Variants in SSH2 observed in about 807,000 individuals in gnomAD.
SSH2 encodes protein phosphatase Slingshot homolog 2.
Under a neutral mutation model 135.2 loss-of-function variants are expected in SSH2, and 37 were observed. That is an observed-to-expected ratio of 0.27 (90% CI 0.21 to 0.36). The LOEUF is 0.36. SSH2 is among the 10% of genes least tolerant of loss of function. SSH2 has a pLI of 1.00. For synonymous variants in SSH2, 628 were observed against 646.2 expected, an observed-to-expected ratio of 0.97 and a Z score of 0.43; for missense variants, 1,408 against 1,765.3, an observed-to-expected ratio of 0.80 and a Z score of 3.63.
chr17:29,857,382 G>A (rs369641387), intron 1 of SSH2, among the ~76,000 whole-genome samples: 12 of 152,114 alleles, frequency 7.9e-5, no homozygotes, highest in East Asian at 1.9e-4. Context: ...AGAACAGCAC[G>A]GGAAAGACTT....
intron 1 of SSH2, among the ~76,000 whole-genome samples, chr17:29,876,473 A>G (rs1274781888): frequency 6.6e-6 from 1 of 152,080 alleles, no homozygotes; most frequent in Non-Finnish European, 1.5e-5. Context: ...GGTAGTTTGC[A>G]TATATTTTCT....
intron 1 of SSH2, among the ~76,000 whole-genome samples, chr17:29,871,982 T>C (rs2065944293): frequency 6.6e-6 from 1 of 152,192 alleles, no homozygotes; most frequent in Admixed American, 6.5e-5. Context: ...CTGAAATGAG[T>C]TACTGTCCTT....
intron 11 of SSH2, among the ~76,000 whole-genome samples, chr17:29,655,989 T>A (rs1236046955): frequency 1.3e-5 from 2 of 152,230 alleles, no homozygotes; most frequent in African/African-American, 4.8e-5. Flanking sequence ...TTTATTTATG[T>A]GCTTACTTTC....
At chr17:29,841,867 T>A (rs1022844199) in intron 2 of SSH2, among the ~76,000 whole-genome samples, 2 of 150,702 alleles carry the variant, frequency 1.3e-5, no homozygotes, top group African/African-American at 4.9e-5. Context: ...GCTGGGACTA[T>A]AGGAGTACAC....
chr17:29,812,837 C>T (rs892871971), intron 2 of SSH2, among the ~76,000 whole-genome samples: 2 of 151,494 alleles, frequency 1.3e-5, no homozygotes, highest in Admixed American at 6.6e-5. Context: ...TGCAGTGAGC[C>T]GGGATCACAC....
intron 4 of SSH2, among the ~76,000 whole-genome samples, chr17:29,700,237 C>A (rs533497242): frequency 3.9e-5 from 6 of 152,078 alleles, no homozygotes; most frequent in Non-Finnish European, 7.4e-5. Context: ...CAAAGTGGCC[C>A]ATTTATGACA....
At chr17:29,882,271 A>C (rs1180869549) in intron 1 of SSH2, among the ~76,000 whole-genome samples, 2 of 152,222 alleles carry the variant, frequency 1.3e-5, no homozygotes, top group African/African-American at 4.8e-5. Flanking sequence ...TTCTCTAGTA[A>C]ATCCCTTTTG....
At position 29,684,637 on chromosome 17, in the gene SSH2, T is replaced by C; in HGVS notation, c.405A>G (p.Val135=). ...CTTGTCTACCATTAGTTGAAACCAC[T>C]ACCATATAGCGTGTTCGATTCTGGT... The part of the protein sequence containing the change: ...STYQNRTRYM[V]VVSTNGRQDT... Residue 135 remains valine (V), a synonymous_variant, in exon 6 of 16, where the codon GTA becomes GTG. Coordinates refer to ENST00000540801, the MANE Select transcript of SSH2 (RefSeq NM_001282129.2). 1 of 1,613,370 alleles carries C rather than the reference T, an allele frequency of 6.2e-7. No homozygotes were observed. Among genetic ancestry groups the C allele is most frequent in the South Asian group, 1.1e-5 (1 of 91,056 alleles).
intron 1 of SSH2, among the ~76,000 whole-genome samples, chr17:29,917,486 G>A (rs548435048): frequency 1.3e-5 from 2 of 152,242 alleles, no homozygotes; most frequent in South Asian, 2.1e-4. Flanking sequence ...GAAGGCAAAG[G>A]TAATGCCTTA....
In SSH2 at chr17:29,843,511, C is replaced by T. The variant is rs531433107; in HGVS notation, c.144+5338G>A. 3.2e-4 allele frequency among the ~76,000 whole-genome samples: 49 copies of T among 151,412 alleles called. No homozygotes were observed. The South Asian group carries it at 9.4e-3, about 29-fold the overall frequency. On this transcript the variant is annotated intron_variant, in intron 2 of 15. Transcript: ENST00000540801. ...GGTAGAGGCTGCAGTGAACTGAGAT[C>T]GTGCCACTGCACTCCAGCCTGGGTG...
Position 29,632,349 on chromosome 17 carries a change from A to G in SSH2, c.2845T>C (p.Ser949Pro). Residue 949 changes from serine (S) to proline (P), a missense_variant, in exon 16 of 16, where the codon TCA becomes CCA. Around this residue, in one of 3 missense-constraint regions of SSH2, gnomAD observed 1,080 missense variants for 1,144.5 expected, o/e 0.94. Transcript: ENST00000540801. ...GKSDEAPPEHSFVLKEPEMSK... is the reference protein window; with the variant it reads ...GKSDEAPPEHPFVLKEPEMSK... Reference sequence around the variant, plus strand: ...ATTTCTGGTTCCTTGAGGACAAATGAATGTTCTGGGGGGGCTTCATCACTT... The same window carrying G: ...ATTTCTGGTTCCTTGAGGACAAATGGATGTTCTGGGGGGGCTTCATCACTT... 6.2e-7 allele frequency: 1 copy of G among 1,613,872 alleles called. No homozygotes were observed. Among genetic ancestry groups the G allele is most frequent in the Non-Finnish European group, 8.5e-7 (1 of 1,179,818 alleles).
intron 1 of SSH2, chr17:29,925,437 C>T (rs1338972623): frequency 2.3e-5 from 9 of 398,090 alleles, no homozygotes; most frequent in African/African-American, 8.2e-5. Context: ...AAATTGTAGC[C>T]GGTCACAGTG....
At chr17:29,857,818 A>T (rs779441266) in intron 1 of SSH2, among the ~76,000 whole-genome samples, 1 of 152,128 alleles carries the variant, frequency 6.6e-6, no homozygotes, top group Admixed American at 6.6e-5. Flanking sequence ...GTATATTCAC[A>T]CTGTTGTATA....
At chr17:29,639,912 G>A (rs1302469383) in intron 14 of SSH2, among the ~76,000 whole-genome samples, 1 of 152,020 alleles carries the variant, frequency 6.6e-6, no homozygotes, top group Non-Finnish European at 1.5e-5. Context: ...CTATCATGAG[G>A]ATGTTCAAAC....
intron 2 of SSH2, among the ~76,000 whole-genome samples, chr17:29,837,879 C>T (rs1568005312): frequency 6.6e-6 from 1 of 152,244 alleles, no homozygotes; most frequent in African/African-American, 2.4e-5. Flanking sequence ...GAAGCCCTGC[C>T]CCTTGCAAGC....
chr17:29,928,507 T>C, intron 1 of SSH2: 1 of 398,540 alleles, frequency 2.5e-6, no homozygotes, highest in East Asian at 3.6e-5. Flanking sequence ...TGCAAGGCAG[T>C]GCACTCCACT....
chr17:29,825,475 T>C (rs1343813118), intron 2 of SSH2, among the ~76,000 whole-genome samples: 1 of 152,234 alleles, frequency 6.6e-6, no homozygotes, highest in Non-Finnish European at 1.5e-5. Context: ...ATGTTTTATG[T>C]GGCATGAACA....
chr17:29,694,398 C>T (rs1054786204), intron 5 of SSH2, among the ~76,000 whole-genome samples: 7 of 152,194 alleles, frequency 4.6e-5, no homozygotes, highest in Non-Finnish European at 1.0e-4. Flanking sequence ...GGGCTGGGCA[C>T]TGTGGCTCAC....
At chr17:29,855,762 AAGACCATTCTTGGCAATCAG>A (rs1471215868) in intron 1 of SSH2, 2 of 160,422 alleles carry the variant, frequency 1.2e-5, no homozygotes, top group Non-Finnish European at 2.7e-5. Flanking sequence ...TGAGAGAATG[AAGACCATTCTTGGCAATCAG>A]ACTATTGACA....
Sources: allele counts gnomAD v4.1 joint callset (sites outside exome capture counted in the v4.1 genomes callset), GRCh38; gene constraint gnomAD v4.1.1; regional missense constraint gnomAD v4.1.1; transcripts MANE v1.5; gene names NCBI Gene and HGNC (gene_info 2026-07-23, HGNC 2026-07-21).